NPAS2: variants seen among roughly 807,000 people sequenced by gnomAD.
The protein encoded by NPAS2 is neuronal PAS domain-containing protein 2.
A neutral mutation model predicts 107.5 loss-of-function variants in NPAS2; 23 were observed. That is an observed-to-expected ratio of 0.21 (90% CI 0.15 to 0.30). The LOEUF is 0.30. Ranked by LOEUF, NPAS2 falls within the 10% of genes least tolerant of loss-of-function variation. NPAS2 has a pLI of 1.00. For synonymous variants in NPAS2, 403 were observed against 417.5 expected (o/e 0.97, Z 0.42); for missense variants, 756 against 1,043.3 (o/e 0.72, Z 3.79).
At chr2:100,987,455 A>G (rs951669043) in intron 16 of NPAS2, 1 of 152,388 alleles carries the variant, frequency 6.6e-6, no homozygotes, top group African/African-American at 2.4e-5. Flanking sequence ...ACTTAATGTT[A>G]TGTGATCATA....
At chr2:100,964,617 C>G (rs1023652534) in intron 8 of NPAS2, among the ~76,000 whole-genome samples, 3 of 152,130 alleles carry the variant, frequency 2.0e-5, no homozygotes, top group African/African-American at 7.2e-5. Context: ...TGCCACTTCT[C>G]GATAATGGGA....
rs188597558 is a variant in NPAS2, at chr2:100,996,324, T to C, written c.*742T>C. 8.2e-5 allele frequency: 13 copies of C among 157,688 alleles called. 1 individual carries two copies. The highest frequency in any genetic ancestry group is 6.8e-4 in the Admixed American group (11 of 16,182). The allele number at this position is 157,688 out of a possible 1,614,324, so 9.8% of individuals were successfully genotyped here. ...AATAAAACACTGGACTATTTCCTGT[T>C]TACTTCATTGATTGCAACTACAAAG... On this transcript the variant is annotated 3_prime_UTR_variant, in exon 21 of 21. Coordinates refer to ENST00000335681, the MANE Select transcript of NPAS2 (RefSeq NM_002518.4).
chr2:100,935,973 A>G (rs1684274806), intron 4 of NPAS2, among the ~76,000 whole-genome samples: 1 of 152,194 alleles, frequency 6.6e-6, no homozygotes, highest in African/African-American at 2.4e-5. Flanking sequence ...ACTAGATGCC[A>G]AAGTCACCCA....
At chr2:100,979,111 G>A (rs1677237404) in intron 15 of NPAS2, among the ~76,000 whole-genome samples, 1 of 152,144 alleles carries the variant, frequency 6.6e-6, no homozygotes, top group East Asian at 1.9e-4. Flanking sequence ...GGTCTCTCAT[G>A]CATTCCTGGA....
At chr2:100,870,373 C>T (rs1679508332) in intron 1 of NPAS2, among the ~76,000 whole-genome samples, 2 of 152,086 alleles carry the variant, frequency 1.3e-5, no homozygotes, top group Non-Finnish European at 2.9e-5. Context: ...TTACAGGGAC[C>T]AACTTCTCTG....
Position 100,899,423 on chromosome 2 carries a change from G to A in NPAS2, c.-22-5310G>A, listed in dbSNP as rs372913055. ...TTTTTAGTAGAGATGGGGTTTCACC[G>A]TGTTTCCCAGGCTGGTCTCGAACTC... On this transcript the variant is annotated intron_variant, in intron 1 of 20. Coordinates refer to ENST00000335681, the MANE Select transcript of NPAS2 (RefSeq NM_002518.4). 4.3e-4 allele frequency among the ~76,000 whole-genome samples: 66 copies of A among 151,908 alleles called. 1 individual carries two copies. Among genetic ancestry groups the A allele is most frequent in the African/African-American group, 1.5e-3 (64 of 41,446 alleles).
Position 100,846,604 on chromosome 2 carries a change from A to G in NPAS2, c.-23+26190A>G, listed in dbSNP as rs555190026. Among the ~76,000 whole-genome samples the G allele has an allele frequency of 3.9e-5, 6 of 152,332 alleles. No homozygotes were observed. The South Asian group carries it at 1.2e-3, about 32-fold the overall frequency. Reference sequence around the variant, plus strand: ...TATTTTTGTCACTGAAAGAACAATTATTCATGTCTTTAAGTTAAAGTATTT... The same window carrying G: ...TATTTTTGTCACTGAAAGAACAATTGTTCATGTCTTTAAGTTAAAGTATTT... On this transcript the variant is annotated intron_variant, in intron 1 of 20. Coordinates refer to ENST00000335681, the MANE Select transcript of NPAS2 (RefSeq NM_002518.4).
intron 1 of NPAS2, among the ~76,000 whole-genome samples, chr2:100,821,807 AC>A (rs1204623336): frequency 6.6e-6 from 1 of 152,080 alleles, no homozygotes; most frequent in Non-Finnish European, 1.5e-5. Flanking sequence ...GCCAAAAATA[AC>A]CCCCAAATAA....
chr2:100,984,285 T>C (rs971607487), intron 16 of NPAS2: 2 of 152,328 alleles, frequency 1.3e-5, no homozygotes, highest in East Asian at 3.9e-4. Flanking sequence ...TAAAGAAATA[T>C]GTTCCAAAAT....
At position 100,936,979 on chromosome 2, in the gene NPAS2, CAAA is replaced by C. The variant is rs34968729; in HGVS notation, c.274-754_274-752del. 3.1e-3 allele frequency among the ~76,000 whole-genome samples: 229 copies of C among 74,630 alleles called. 1 individual carries two copies. Among genetic ancestry groups the C allele is most frequent in the African/African-American group, 0.011 (213 of 20,086 alleles). The allele number at this position is 74,630 out of a possible 152,430, so 49.0% of individuals were successfully genotyped here. ...CCTGGGTGACAGTGAGACTCCATCT[CAAA>C]AAAAAAAAAAAAAAAAAAACCATGA... On this transcript the variant is annotated intron_variant, in intron 4 of 20. Coordinates refer to ENST00000335681, the MANE Select transcript of NPAS2 (RefSeq NM_002518.4).
intron 1 of NPAS2, among the ~76,000 whole-genome samples, chr2:100,835,500 G>A (rs1214038154): frequency 2.0e-5 from 3 of 152,154 alleles, no homozygotes; most frequent in Non-Finnish European, 4.4e-5. Context: ...GGCTGCGTGT[G>A]AAAGGGTACA....
At chr2:100,862,552 C>A (rs1811399) in intron 1 of NPAS2, among the ~76,000 whole-genome samples, 110,050 of 152,044 alleles carry the variant, frequency 0.72, 40,030 homozygotes, top group Non-Finnish European at 0.76. Flanking sequence ...GCATGGTGAT[C>A]CAGCGGCTGC....
intron 1 of NPAS2, among the ~76,000 whole-genome samples, chr2:100,884,151 G>C (rs1033378659): frequency 6.6e-6 from 1 of 152,164 alleles, no homozygotes; most frequent in African/African-American, 2.4e-5. Context: ...GATCTGTGGG[G>C]CATTTTGCAA....
chr2:100,819,538 C>T (rs985102650), upstream of NPAS2, among the ~76,000 whole-genome samples: 25 of 152,284 alleles, frequency 1.6e-4, no homozygotes, highest in Admixed American at 9.8e-4. This position sits in a 1 kb window ranked among gnomAD's most constrained non-coding sequence, Gnocchi z 5.8. Flanking sequence ...CGCAGAGACG[C>T]GCTTTGTGCC....
rs79919814 is a variant in NPAS2 at position 100,942,044 on chromosome 2, G to A, written c.363+4202G>A. Among the ~76,000 whole-genome samples the A allele has an allele frequency of 1.1e-3, 175 of 152,236 alleles. 2 individuals are homozygous for A. The South Asian group carries it at 0.021, about 18-fold the overall frequency. On this transcript the variant is annotated intron_variant, in intron 5 of 20. Transcript: ENST00000335681. ...TGAGCAACTGCAAGCAGCTTGGCAC[G>A]GGTGGGGAGTGCCTTGGATGTGAGA...
chr2:100,860,976 G>C (rs890870891), intron 1 of NPAS2, among the ~76,000 whole-genome samples: 1 of 151,904 alleles, frequency 6.6e-6, no homozygotes, highest in Admixed American at 6.6e-5. Context: ...GGAACTCCAG[G>C]GCTCAAGCGA....
chr2:100,990,057 G>A, intron 17 of NPAS2, 199 bp from the exon 18 acceptor site: 1 of 602,210 alleles, frequency 1.7e-6, no homozygotes, highest in Non-Finnish European at 2.9e-6. Flanking sequence ...CTAGAGTCCG[G>A]CACTGTCCTA....
At chr2:100,933,962 G>A (rs1464126861) in intron 4 of NPAS2, 1 of 152,212 alleles carries the variant, frequency 6.6e-6, no homozygotes, top group East Asian at 1.9e-4. Flanking sequence ...TAAGACTGAT[G>A]TAAACTTCAA....
At chr2:100,840,849 G>A (rs763480656) in intron 1 of NPAS2, among the ~76,000 whole-genome samples, 1 of 152,170 alleles carries the variant, frequency 6.6e-6, no homozygotes, top group Non-Finnish European at 1.5e-5. Context: ...AAATGGAAAA[G>A]TGAAAAGAAT....
Sources: gnomAD v4.1 joint callset for allele counts (sites outside exome capture counted in the v4.1 genomes callset) on GRCh38, gnomAD v4.1.1 for gene constraint, Gnocchi (gnomAD v3.1) non-coding constraint, MANE v1.5 for transcripts, NCBI Gene and HGNC (gene_info 2026-07-23, HGNC 2026-07-21) for gene names.